The following PTPN3 variants were observed in gnomAD, a reference collection of about 807,000 sequenced individuals.
The protein encoded by PTPN3 is tyrosine-protein phosphatase non-receptor type 3.
In PTPN3, 96 loss-of-function variants were observed where a neutral mutation model predicts 132.7. The observed-to-expected ratio is 0.72, with a 90% CI of 0.61 to 0.86. The LOEUF is 0.86. Ranked by LOEUF, PTPN3 falls within the 40% of genes least tolerant of loss-of-function variation. PTPN3 has a pLI of 0.00. For missense variants in PTPN3, 1,125 were observed against 1,159.6 expected (o/e 0.97, Z 0.43); for synonymous variants, 398 against 429.0 (o/e 0.93, Z 0.89).
chr9:109,409,523 T>TA (rs953230821), intron 16 of PTPN3, among the ~76,000 whole-genome samples: 18 of 151,934 alleles, frequency 1.2e-4, no homozygotes, highest in African/African-American at 3.9e-4. Context: ...AAGGCCACAT[T>TA]AAAAAAAACC....
intron 1 of PTPN3, among the ~76,000 whole-genome samples, chr9:109,473,662 G>C (rs1391420246): frequency 6.6e-6 from 1 of 152,162 alleles, no homozygotes; most frequent in Non-Finnish European, 1.5e-5. Flanking sequence ...AAAACACAAA[G>C]TTTGCCTTGA....
chr9:109,378,317 T>C lies in PTPN3; in HGVS notation c.*1239A>G, dbSNP rs1838742805. ...AAATTTAAAAAAATTTAACACGGTATTCACAAAGGCAGAATTCTTTAGGAC... is the reference window on the plus strand; with the variant it reads ...AAATTTAAAAAAATTTAACACGGTACTCACAAAGGCAGAATTCTTTAGGAC... On this transcript the variant is annotated 3_prime_UTR_variant, in exon 26 of 26. Transcript: ENST00000374541. The C allele has an allele frequency of 6.5e-6, 1 of 152,754 alleles. No homozygotes were observed. The highest frequency in any genetic ancestry group is 1.9e-4 in the East Asian group (1 of 5,190). The allele number at this position is 152,754 out of a possible 1,614,324, so 9.5% of individuals were successfully genotyped here. A position where few individuals can be genotyped will look rare whatever the true frequency, so the allele number is the denominator to read the frequency against.
At chr9:109,456,718 C>T (rs775912436) in intron 4 of PTPN3, among the ~76,000 whole-genome samples, 5 of 152,182 alleles carry the variant, frequency 3.3e-5, no homozygotes, top group Non-Finnish European at 7.3e-5. Context: ...GAGAGATAAG[C>T]GGTAGTTTGG....
intron 10 of PTPN3, among the ~76,000 whole-genome samples, chr9:109,430,350 A>G (rs1003040285): frequency 6.6e-6 from 1 of 152,148 alleles, no homozygotes; most frequent in Non-Finnish European, 1.5e-5. Context: ...ATACAGGGGT[A>G]GGAGGGCCTG....
At chr9:109,422,290 G>A (rs1192205833) in intron 13 of PTPN3, among the ~76,000 whole-genome samples, 3 of 152,162 alleles carry the variant, frequency 2.0e-5, no homozygotes, top group Admixed American at 1.3e-4. Flanking sequence ...TGCTGCTGAA[G>A]GTCATACATC....
intron 11 of PTPN3, among the ~76,000 whole-genome samples, chr9:109,428,361 C>T (rs1314429706): frequency 6.6e-6 from 1 of 152,228 alleles, no homozygotes; most frequent in African/African-American, 2.4e-5. Context: ...ATCCTCCAGA[C>T]TCTGGCTCCA....
intron 16 of PTPN3, among the ~76,000 whole-genome samples, chr9:109,408,774 T>G (rs1333950608): frequency 1.3e-5 from 1 of 79,942 alleles, no homozygotes; most frequent in Non-Finnish European, 2.3e-5. Flanking sequence ...CTAGAACTTA[T>G]AATAATTAAA....
At chr9:109,530,946 C>G in the PTPN3 span, among the ~76,000 whole-genome samples, 1 of 152,056 alleles carries the variant, frequency 6.6e-6, no homozygotes, top group Non-Finnish European at 1.5e-5. Context: ...TTTATGGGTT[C>G]TCTATAAATT....
chr9:109,524,988 C>T, the PTPN3 span, among the ~76,000 whole-genome samples: 2 of 152,140 alleles, frequency 1.3e-5, no homozygotes, highest in African/African-American at 2.4e-5. Flanking sequence ...TTAAGTGATC[C>T]GCCCACCTTG....
At chr9:109,534,453 TC>T in the PTPN3 span, 1 of 1,216,348 alleles carries the variant, frequency 8.2e-7, no homozygotes, top group Non-Finnish European at 1.1e-6. Context: ...CGCTCTCCGC[TC>T]CCGCTACCGA....
At chr9:109,427,837 G>A (rs1843387779) in intron 11 of PTPN3, among the ~76,000 whole-genome samples, 1 of 152,198 alleles carries the variant, frequency 6.6e-6, no homozygotes, top group Admixed American at 6.5e-5. Context: ...GTGACAGTAA[G>A]TGAAAATCAT....
In PTPN3 at chr9:109,391,451, C is replaced by T. The variant is rs199808480; in HGVS notation, c.2044+20G>A. On this transcript the variant is annotated intron_variant, in intron 20 of 25. Coordinates refer to ENST00000374541, the MANE Select transcript of PTPN3 (RefSeq NM_002829.4). Reference sequence around the variant, plus strand: ...TATCTCAGTGTAGGGGGGAAGGAGGCATTCATGCCGGATACTCACAAGGCA... The same window carrying T: ...TATCTCAGTGTAGGGGGGAAGGAGGTATTCATGCCGGATACTCACAAGGCA... 1.9e-6 allele frequency: 3 copies of T among 1,589,114 alleles called. No individual in the cohort carries two copies. The highest frequency in any genetic ancestry group is 4.5e-5 in the East Asian group (2 of 44,738).
chr9:109,446,077 C>T (rs80349623), intron 6 of PTPN3, among the ~76,000 whole-genome samples: 5 of 152,330 alleles, frequency 3.3e-5, no homozygotes, highest in East Asian at 1.9e-4. Flanking sequence ...GCAGACTCCA[C>T]GGCCTGCCCA....
chr9:109,476,773 C>T (rs184691945), intron 1 of PTPN3, among the ~76,000 whole-genome samples: 21 of 152,314 alleles, frequency 1.4e-4, no homozygotes, highest in Admixed American at 1.3e-3. Context: ...AGATTTCATT[C>T]TTAACGCAGC....
At chr9:109,396,935 C>T (rs1840651497) in intron 19 of PTPN3, among the ~76,000 whole-genome samples, 1 of 152,164 alleles carries the variant, frequency 6.6e-6, no homozygotes, top group Non-Finnish European at 1.5e-5. Context: ...AGCTTCACAC[C>T]CCCAACTGGC....
intron 1 of PTPN3, among the ~76,000 whole-genome samples, chr9:109,495,833 G>C (rs1847644181): frequency 6.6e-6 from 1 of 152,298 alleles, no homozygotes; most frequent in East Asian, 1.9e-4. Flanking sequence ...GATATGGTAA[G>C]GGATCCTGAA....
chr9:109,443,629 C>A (rs1457202307), intron 7 of PTPN3, among the ~76,000 whole-genome samples: 3 of 152,188 alleles, frequency 2.0e-5, no homozygotes, highest in Non-Finnish European at 4.4e-5. Flanking sequence ...GGCTCAGTCT[C>A]CTCAGCTGAT....
At chr9:109,452,363 TTA>T (rs1304446614) in intron 5 of PTPN3, among the ~76,000 whole-genome samples, 1 of 152,028 alleles carries the variant, frequency 6.6e-6, no homozygotes, top group Non-Finnish European at 1.5e-5. Flanking sequence ...CTTCAGTAAT[TTA>T]TATATGTGTA....
intron 5 of PTPN3, among the ~76,000 whole-genome samples, chr9:109,452,727 T>C (rs1159964619): frequency 6.6e-6 from 1 of 152,034 alleles, no homozygotes; most frequent in African/African-American, 2.4e-5. Flanking sequence ...TGACTACTTT[T>C]TTATTTTTAT....
Sources: gnomAD v4.1 joint callset for allele counts (sites outside exome capture counted in the v4.1 genomes callset) on GRCh38, gnomAD v4.1.1 for gene constraint, MANE v1.5 for transcripts, NCBI Gene and HGNC (gene_info 2026-07-23, HGNC 2026-07-21) for gene names.